The following OR14I1 variants were observed in gnomAD, a reference collection of about 807,000 sequenced individuals.
The protein encoded by OR14I1 is olfactory receptor family 14 subfamily I member 1, also known as olfactory receptor 14I1.
For synonymous variants in OR14I1, 118 were observed against 71.1 expected, an observed-to-expected ratio of 1.66 and a Z score of -3.32; for missense variants, 279 against 181.8, an observed-to-expected ratio of 1.53 and a Z score of -3.07.
the OR14I1 span, chr1:248,698,889 G>A: frequency 6.6e-6 from 1 of 152,178 alleles, no homozygotes; most frequent in Admixed American, 6.5e-5. Context: ...GAAATGAAGA[G>A]ATGCACACAA....
Position 248,681,659 on chromosome 1 carries a change from AG to A in OR14I1, c.645del (p.Tyr216IlefsTer43), listed in dbSNP as rs750651138. On this transcript the variant is annotated frameshift_variant, in exon 1 of 1. Coordinates refer to ENST00000342623, the Ensembl canonical transcript of OR14I1. LOFTEE classifies it low-confidence loss of function (END_TRUNC). ...AGCACCGTTGAGAAGATTTGGAAAT[AG>A]GAGATCATCATGAGAATAAAGCATC... 2 of 780,970 alleles carry A rather than the reference AG, an allele frequency of 2.6e-6. No individual in the cohort carries two copies. The highest frequency in any genetic ancestry group is 1.7e-5 in the Admixed American group (1 of 59,012). The allele number at this position is 780,970 out of a possible 1,614,324, so 48.4% of individuals were successfully genotyped here. A position where few individuals can be genotyped will look rare whatever the true frequency, so the allele number is the denominator to read the frequency against.
chr1:248,693,297 C>A, the OR14I1 span, among the ~76,000 whole-genome samples: 4 of 152,110 alleles, frequency 2.6e-5, no homozygotes, highest in Non-Finnish European at 5.9e-5. Context: ...ATTGACTATT[C>A]CTGGCCACCT....
At chr1:248,683,645 GA>G (rs369292027), upstream of OR14I1, among the ~76,000 whole-genome samples, 28 of 152,324 alleles carry the variant, frequency 1.8e-4, no homozygotes, top group African/African-American at 6.7e-4. Flanking sequence ...TATGTTTAAT[GA>G]AAAAATTTGA....
At chr1:248,690,600 CAAAAAAAAAAAA>C in the OR14I1 span, among the ~76,000 whole-genome samples, 31 of 51,528 alleles carry the variant, frequency 6.0e-4, no homozygotes, top group Non-Finnish European at 9.6e-4. Context: ...GTCTACCAAC[CAAAAAAAAAAAA>C]AAAAAAAAAA....
At chr1:248,692,239 C>G in the OR14I1 span, 1 of 152,688 alleles carries the variant, frequency 6.5e-6, no homozygotes, top group Admixed American at 6.5e-5. Context: ...GGCTTGGGGT[C>G]CTCCCGCATT....
the OR14I1 span, among the ~76,000 whole-genome samples, chr1:248,692,936 A>G: frequency 6.6e-6 from 1 of 151,998 alleles, no homozygotes; most frequent in African/African-American, 2.4e-5. Flanking sequence ...ATGTTGGGAG[A>G]ATTGTGGGGA....
chr1:248,699,243 G>T, the OR14I1 span: 1 of 152,124 alleles, frequency 6.6e-6, no homozygotes, highest in Non-Finnish European at 1.5e-5. Context: ...ATCAGCTTTG[G>T]GTCCCTGCCT....
chr1:248,685,060 T>TATAATACTATTTAACAA, upstream of OR14I1, among the ~76,000 whole-genome samples: 2 of 152,116 alleles, frequency 1.3e-5, no homozygotes, highest in Admixed American at 6.5e-5. Context: ...TGAAATACTT[T>TATAATACTATTTAACAA]TGTGTGTTAT....
the OR14I1 span, among the ~76,000 whole-genome samples, chr1:248,698,070 T>A: frequency 6.6e-6 from 1 of 152,172 alleles, no homozygotes; most frequent in Non-Finnish European, 1.5e-5. Flanking sequence ...TTTCCATAAT[T>A]CCTCTTTACC....
At chr1:248,684,311 A>G (rs1029589012), upstream of OR14I1, among the ~76,000 whole-genome samples, 15 of 152,216 alleles carry the variant, frequency 9.9e-5, no homozygotes, top group African/African-American at 3.6e-4. Flanking sequence ...TTTAGAAAAC[A>G]TATGTCTGGC....
At chr1:248,688,916 A>G in the OR14I1 span, among the ~76,000 whole-genome samples, 198 of 152,058 alleles carry the variant, frequency 1.3e-3, 1 homozygote, top group Middle Eastern at 0.014. Flanking sequence ...TGAAACTTCC[A>G]TTTTTTTTCT....
At chr1:248,689,549 C>T in the OR14I1 span, among the ~76,000 whole-genome samples, 5 of 152,126 alleles carry the variant, frequency 3.3e-5, no homozygotes, top group South Asian at 4.2e-4. Flanking sequence ...TCAGTTGCAG[C>T]GTGAGAGCAA....
the OR14I1 span, among the ~76,000 whole-genome samples, chr1:248,701,178 GTCTC>G: frequency 1.1e-4 from 16 of 151,966 alleles, no homozygotes; most frequent in South Asian, 1.5e-3. Context: ...TTGAGACGGA[GTCTC>G]TCTCTATCAC....
At chr1:248,679,310 G>A (rs58012133), downstream of OR14I1, among the ~76,000 whole-genome samples, 2 of 151,814 alleles carry the variant, frequency 1.3e-5, no homozygotes, top group Non-Finnish European at 2.9e-5. Context: ...AATATTTTTG[G>A]TGGGGAGTGT....
upstream of OR14I1, among the ~76,000 whole-genome samples, chr1:248,683,051 A>C (rs1661591195): frequency 1.3e-5 from 2 of 152,210 alleles, no homozygotes; most frequent in African/African-American, 4.8e-5. Context: ...ATTGTACAAT[A>C]AATTAAAATA....
At chr1:248,694,824 T>G in the OR14I1 span, among the ~76,000 whole-genome samples, 1 of 152,184 alleles carries the variant, frequency 6.6e-6, no homozygotes, top group African/African-American at 2.4e-5. Flanking sequence ...CAGAAATAGA[T>G]GAGAATACCT....
the OR14I1 span, among the ~76,000 whole-genome samples, chr1:248,697,647 G>C: frequency 1.3e-5 from 2 of 152,142 alleles, no homozygotes; most frequent in South Asian, 4.1e-4. Context: ...GGCCGGAGTG[G>C]TGGCACATGC....
upstream of OR14I1, among the ~76,000 whole-genome samples, chr1:248,684,757 C>CATATATATATAT (rs376621560): frequency 7.6e-5 from 11 of 145,060 alleles, no homozygotes; most frequent in African/African-American, 2.9e-4. Context: ...CACACACATA[C>CATATATATATAT]ATATATATAT....
chr1:248,698,102 G>A, the OR14I1 span, among the ~76,000 whole-genome samples: 1 of 152,152 alleles, frequency 6.6e-6, no homozygotes, highest in African/African-American at 2.4e-5. Flanking sequence ...TCCTGCTGAC[G>A]CTGGGGAGCT....
Sources: gnomAD v4.1 joint callset for allele counts (sites outside exome capture counted in the v4.1 genomes callset) on GRCh38, gnomAD v4.1.1 for gene constraint, MANE v1.5 for transcripts, NCBI Gene and HGNC (gene_info 2026-07-23, HGNC 2026-07-21) for gene names.